Variants in SKAP2 observed in about 807,000 individuals in gnomAD.
SKAP2 encodes the protein src kinase-associated phosphoprotein 2.
A neutral mutation model predicts 54.9 loss-of-function variants in SKAP2; 28 were observed. The ratio of observed to expected loss-of-function variants is 0.51; its 90% CI spans 0.38 to 0.70. The LOEUF is 0.70. Ranked by LOEUF, SKAP2 falls within the 30% of genes least tolerant of loss-of-function variation. The pLI, the probability that SKAP2 is intolerant of heterozygous loss-of-function variation, is 0.00. For missense variants in SKAP2, 356 were observed against 424.1 expected (o/e 0.84, Z 1.41); for synonymous variants, 137 against 134.3 (o/e 1.02, Z -0.14).
intron 4 of SKAP2, among the ~76,000 whole-genome samples, chr7:26,759,844 T>TAG (rs1782885290): frequency 6.6e-6 from 1 of 152,184 alleles, no homozygotes; most frequent in South Asian, 2.1e-4. Flanking sequence ...GGCCCATTTG[T>TAG]AGAGAACCAT....
intron 1 of SKAP2, among the ~76,000 whole-genome samples, chr7:26,864,008 A>T (rs928839996): frequency 3.4e-5 from 5 of 147,456 alleles, no homozygotes; most frequent in Admixed American, 6.8e-5. Context: ...ATTCATTATC[A>T]TTATCATTCT....
At chr7:26,857,322 A>T (rs1210204939) in intron 1 of SKAP2, 1 of 245,310 alleles carries the variant, frequency 4.1e-6, no homozygotes, top group Non-Finnish European at 6.5e-6. Flanking sequence ...AAAAAAAAAA[A>T]AAAAAAAAAA....
At chr7:26,829,415 C>T (rs1303569383) in intron 4 of SKAP2, among the ~76,000 whole-genome samples, 3 of 151,812 alleles carry the variant, frequency 2.0e-5, no homozygotes, top group African/African-American at 4.8e-5. Context: ...TAGTCGTATG[C>T]GCCTGTAATC....
chr7:26,846,428 T>G (rs1784922307), intron 3 of SKAP2, among the ~76,000 whole-genome samples: 1 of 152,194 alleles, frequency 6.6e-6, no homozygotes, highest in African/African-American at 2.4e-5. Context: ...CATTATTATG[T>G]GTGCATATAT....
chr7:26,698,089 A>G (rs1786934800), intron 9 of SKAP2, among the ~76,000 whole-genome samples: 1 of 152,200 alleles, frequency 6.6e-6, no homozygotes, highest in South Asian at 2.1e-4. Context: ...ACAACTGCCT[A>G]CTATAACCTC....
intron 4 of SKAP2, among the ~76,000 whole-genome samples, chr7:26,805,417 C>T (rs1314908656): frequency 6.6e-6 from 1 of 152,148 alleles, no homozygotes; most frequent in Non-Finnish European, 1.5e-5. Flanking sequence ...TCCCTTTCCC[C>T]TTGAATGGGG....
chr7:26,862,203 T>C (rs1441716745), intron 1 of SKAP2, among the ~76,000 whole-genome samples: 1 of 152,102 alleles, frequency 6.6e-6, no homozygotes, highest in African/African-American at 2.4e-5. Flanking sequence ...ACAATATTTT[T>C]AGATGAAATA....
chr7:26,803,084 G>A (rs6945204), intron 4 of SKAP2, among the ~76,000 whole-genome samples: 8,654 of 152,142 alleles, frequency 0.057, 337 homozygotes, highest in Non-Finnish European at 0.083. Context: ...GCAAAACCCC[G>A]CAAGCACAGG....
chr7:26,730,208 T>G (rs867631086), intron 6 of SKAP2, among the ~76,000 whole-genome samples: 1 of 152,220 alleles, frequency 6.6e-6, no homozygotes. Flanking sequence ...TTCACCATTA[T>G]GTGGTAAGTC....
downstream of SKAP2, among the ~76,000 whole-genome samples, chr7:26,664,038 T>A (rs572681622): frequency 6.6e-6 from 1 of 152,298 alleles, no homozygotes; most frequent in African/African-American, 2.4e-5. Flanking sequence ...AATGGTGACC[T>A]CATCAGTGGT....
chr7:26,739,838 T>A, intron 5 of SKAP2, 49 bp downstream of exon 5: 1 of 1,313,976 alleles, frequency 7.6e-7, no homozygotes, highest in Non-Finnish European at 1.1e-6. Flanking sequence ...ACATGTTCTA[T>A]CTAAGGATGA....
At chr7:26,821,060 T>C (rs1005130702) in intron 4 of SKAP2, among the ~76,000 whole-genome samples, 1 of 152,196 alleles carries the variant, frequency 6.6e-6, no homozygotes, top group Non-Finnish European at 1.5e-5. Context: ...TACAATAATC[T>C]GTGCATTTGA....
intron 2 of SKAP2, among the ~76,000 whole-genome samples, chr7:26,854,542 T>C (rs1785119488): frequency 1.3e-5 from 2 of 152,024 alleles, no homozygotes; most frequent in African/African-American, 4.8e-5. Flanking sequence ...ATAATCAAAA[T>C]AAACAGCTGA....
At chr7:26,678,917 C>G (rs1001318331) in intron 11 of SKAP2, among the ~76,000 whole-genome samples, 1 of 152,098 alleles carries the variant, frequency 6.6e-6, no homozygotes, top group Non-Finnish European at 1.5e-5. Flanking sequence ...GAAGACATCT[C>G]AAAAGAGTGA....
intron 4 of SKAP2, among the ~76,000 whole-genome samples, chr7:26,802,182 AC>A (rs1196256982): frequency 6.6e-6 from 1 of 152,074 alleles, no homozygotes; most frequent in Non-Finnish European, 1.5e-5. Context: ...AGATTAAAGA[AC>A]ACAGAAGCAA....
At chr7:26,697,369 G>A (rs1361568376) in intron 9 of SKAP2, among the ~76,000 whole-genome samples, 7 of 152,110 alleles carry the variant, frequency 4.6e-5, no homozygotes, top group East Asian at 3.8e-4. Context: ...GGTCAGATTC[G>A]GTTGGTCAGA....
At chr7:26,861,827 G>T (rs1785278415) in intron 1 of SKAP2, among the ~76,000 whole-genome samples, 1 of 151,716 alleles carries the variant, frequency 6.6e-6, no homozygotes, top group African/African-American at 2.4e-5. Context: ...GACATATAAT[G>T]ATTTAGTTTA....
chr7:26,848,514 C>G (rs1017964041), intron 3 of SKAP2, among the ~76,000 whole-genome samples: 1 of 151,986 alleles, frequency 6.6e-6, no homozygotes, highest in Non-Finnish European at 1.5e-5. Flanking sequence ...GTTCCGTCCC[C>G]CAAGATAGCT....
At chr7:26,765,269 A>G (rs1234911364) in intron 4 of SKAP2, among the ~76,000 whole-genome samples, 1 of 152,084 alleles carries the variant, frequency 6.6e-6, no homozygotes, top group Non-Finnish European at 1.5e-5. Flanking sequence ...TTGGCCACAT[A>G]TATGTCTTCT....
Sources: gnomAD v4.1 joint callset for allele counts (sites outside exome capture counted in the v4.1 genomes callset) on GRCh38, gnomAD v4.1.1 for gene constraint, MANE v1.5 for transcripts, NCBI Gene and HGNC (gene_info 2026-07-23, HGNC 2026-07-21) for gene names.